The following SYT1 variants were observed in gnomAD, a reference collection of about 807,000 sequenced individuals.
SYT1 encodes the protein synaptotagmin-1.
A neutral mutation model predicts 44.8 loss-of-function variants in SYT1; 8 were observed. That is an observed-to-expected ratio of 0.18 (90% CI 0.10 to 0.32). The LOEUF (loss-of-function observed/expected upper bound fraction) is 0.32. Ranked by LOEUF, SYT1 falls within the 10% of genes least tolerant of loss-of-function variation. The probability of loss-of-function intolerance (pLI) is 1.00; values close to 1 mark genes in which losing one functional copy is unlikely to be tolerated. For missense variants in SYT1, 286 were observed against 509.3 expected (o/e 0.56, Z 4.22); for synonymous variants, 154 against 188.8 (o/e 0.82, Z 1.51).
rs1434576589 is a variant in SYT1 at position 79,171,657 on chromosome 12, T to A, written c.-17-45846T>A. On this transcript the variant is annotated intron_variant, in intron 3 of 10. Coordinates refer to ENST00000261205, the MANE Select transcript of SYT1 (RefSeq NM_005639.3). ...GGCTTAGTCTGCCAAAACCACTGCA[T>A]GATTTTCCAAAGGAGGTACACAGTA... Among the ~76,000 whole-genome samples, 4 of 151,876 alleles carry A rather than the reference T, an allele frequency of 2.6e-5. No individual in the cohort carries two copies. The Admixed American group carries it at 2.6e-4, about 10-fold the overall frequency.
intron 1 of SYT1, among the ~76,000 whole-genome samples, chr12:78,976,325 T>G (rs1868829047): frequency 4.6e-5 from 7 of 152,090 alleles, no homozygotes; most frequent in Admixed American, 4.6e-4. Context: ...TGAGCTGGAG[T>G]CAACTATTTC....
chr12:79,148,931 G>A (rs116635212), intron 3 of SYT1, among the ~76,000 whole-genome samples: 13 of 152,090 alleles, frequency 8.5e-5, no homozygotes, highest in East Asian at 5.8e-4. Flanking sequence ...TTAAATTAGC[G>A]TCTCAATATC....
chr12:79,368,895 T>G (rs1033198599), intron 9 of SYT1, among the ~76,000 whole-genome samples: 4 of 152,250 alleles, frequency 2.6e-5, no homozygotes, highest in Non-Finnish European at 5.9e-5. Flanking sequence ...AGAAGCTCTT[T>G]AGTTTAATTA....
intron 3 of SYT1, among the ~76,000 whole-genome samples, chr12:79,193,371 T>C (rs1873245955): frequency 6.6e-6 from 1 of 152,112 alleles, no homozygotes; most frequent in Non-Finnish European, 1.5e-5. Context: ...CTTAAACCAT[T>C]ACAAGGATTA....
chr12:79,231,519 C>T (rs1039577667), intron 4 of SYT1, among the ~76,000 whole-genome samples: 4 of 151,588 alleles, frequency 2.6e-5, no homozygotes, highest in Non-Finnish European at 4.4e-5. Flanking sequence ...TAGTAGACAA[C>T]GAATAATAGA....
intron 3 of SYT1, among the ~76,000 whole-genome samples, chr12:79,118,998 T>C (rs1311283645): frequency 6.6e-6 from 1 of 152,190 alleles, no homozygotes; most frequent in Non-Finnish European, 1.5e-5. Context: ...GAATTCCCTA[T>C]TCTCTATGTT....
intron 8 of SYT1, among the ~76,000 whole-genome samples, chr12:79,336,037 A>G (rs890450983): frequency 3.9e-5 from 6 of 152,230 alleles, no homozygotes; most frequent in African/African-American, 1.4e-4. Context: ...CTTGAAGAGA[A>G]CTAACAGCCT....
intron 2 of SYT1, among the ~76,000 whole-genome samples, chr12:79,015,244 C>A (rs1211092260): frequency 1.3e-5 from 2 of 151,860 alleles, no homozygotes; most frequent in African/African-American, 4.8e-5. Context: ...AAAGAAAATG[C>A]ATTCTAAAAC....
Position 79,139,594 on chromosome 12 carries a change from T to C in SYT1, c.-17-77909T>C, listed in dbSNP as rs150170768. Among the ~76,000 whole-genome samples, 37 of 152,308 alleles carry C rather than the reference T, an allele frequency of 2.4e-4. 1 individual carries two copies. Among genetic ancestry groups the C allele is most frequent in the African/African-American group, 6.7e-4 (28 of 41,562 alleles). On this transcript the variant is annotated intron_variant, in intron 3 of 10. Transcript: ENST00000261205. ...ATCATGTGTAGGTGTAGAGTCAATG[T>C]TAATGGTACTTTTTGATAAATAAAA...
intron 1 of SYT1, among the ~76,000 whole-genome samples, chr12:78,874,452 G>A (rs1873965583): frequency 6.6e-6 from 1 of 151,532 alleles, no homozygotes; most frequent in African/African-American, 2.4e-5. Context: ...GAAACTTAGA[G>A]AGCTGGATTC....
At chr12:79,408,032 T>C (rs1885304141) in intron 9 of SYT1, among the ~76,000 whole-genome samples, 1 of 152,180 alleles carries the variant, frequency 6.6e-6, no homozygotes, top group Non-Finnish European at 1.5e-5. Context: ...GGAATATTCC[T>C]GAGTCTCATT....
chr12:79,305,016 A>G (rs949006751), intron 8 of SYT1, among the ~76,000 whole-genome samples: 7 of 152,122 alleles, frequency 4.6e-5, no homozygotes, highest in African/African-American at 1.4e-4. Context: ...TCTGTCACCA[A>G]TTATAATTGT....
chr12:78,888,990 T>C (rs1373127886), intron 1 of SYT1, among the ~76,000 whole-genome samples: 1 of 151,956 alleles, frequency 6.6e-6, no homozygotes, highest in Non-Finnish European at 1.5e-5. Flanking sequence ...AGCTTTTCTT[T>C]GCTCCGAAAC....
intron 3 of SYT1, among the ~76,000 whole-genome samples, chr12:79,122,238 G>A (rs1201844197): frequency 2.0e-5 from 3 of 152,152 alleles, no homozygotes; most frequent in African/African-American, 7.2e-5. Flanking sequence ...TTTCAGGCCG[G>A]GCGCGGTGGC....
chr12:79,307,962 C>T (rs1880496037), intron 8 of SYT1, among the ~76,000 whole-genome samples: 1 of 152,110 alleles, frequency 6.6e-6, no homozygotes, highest in South Asian at 2.1e-4. Context: ...GAGAAGGCCT[C>T]GAAGAGTGCT....
chr12:78,945,299 A>G (rs906562046), intron 1 of SYT1, among the ~76,000 whole-genome samples: 15 of 152,128 alleles, frequency 9.9e-5, no homozygotes, highest in African/African-American at 3.6e-4. Flanking sequence ...GTGAATGATT[A>G]ATTGGATTTT....
chr12:79,079,508 T>C (rs1467346808), intron 3 of SYT1, among the ~76,000 whole-genome samples: 2 of 152,122 alleles, frequency 1.3e-5, no homozygotes, highest in South Asian at 2.1e-4. Context: ...TAAATTATGA[T>C]ATATATGTTG....
At chr12:79,253,520 TCTC>T (rs767806623) in intron 4 of SYT1, among the ~76,000 whole-genome samples, 5,985 of 140,908 alleles carry the variant, frequency 0.042, 134 homozygotes, top group African/African-American at 0.051. Flanking sequence ...TCTCTCTCTC[TCTC>T]TCACCTCAGA....
At chr12:79,290,332 T>C (rs1460267297) in intron 5 of SYT1, among the ~76,000 whole-genome samples, 1 of 152,148 alleles carries the variant, frequency 6.6e-6, no homozygotes, top group East Asian at 1.9e-4. Context: ...TTAGAAAATC[T>C]TGTAATTTCA....
Sources: allele counts gnomAD v4.1 joint callset (sites outside exome capture counted in the v4.1 genomes callset), GRCh38; gene constraint gnomAD v4.1.1; transcripts MANE v1.5; gene names NCBI Gene and HGNC (gene_info 2026-07-23, HGNC 2026-07-21).